ANKRD36B: variants seen among roughly 807,000 people sequenced by gnomAD.
ANKRD36B encodes the protein ankyrin repeat domain 36B.
In ANKRD36B, 37 loss-of-function variants were observed where a neutral mutation model predicts 135.7. The ratio of observed to expected loss-of-function variants is 0.27; its 90% CI spans 0.21 to 0.36. ANKRD36B has a LOEUF of 0.36. Among genes scored for constraint, ANKRD36B ranks in the 10% least tolerant of loss-of-function variants. The pLI is 1.00. For missense variants in ANKRD36B, 549 were observed against 1,037.1 expected (o/e 0.53, Z 6.46); for synonymous variants, 179 against 348.1 (o/e 0.51, Z 5.41).
intron 18 of ANKRD36B, among the ~76,000 whole-genome samples, chr2:97,550,997 G>A (rs980492932): frequency 2.0e-5 from 3 of 151,838 alleles, no homozygotes; most frequent in Non-Finnish European, 2.9e-5. Context: ...TTAATGAAAA[G>A]ATGCTACAGA....
chr2:97,587,472 A>AC (rs1443179907), intron 1 of ANKRD36B, among the ~76,000 whole-genome samples: 4 of 152,176 alleles, frequency 2.6e-5, no homozygotes, highest in African/African-American at 9.7e-5. Flanking sequence ...TTCACACCTC[A>AC]ACATACATCT....
intron 30 of ANKRD36B, among the ~76,000 whole-genome samples, chr2:97,539,516 G>A (rs2079044597): frequency 1.0e-5 from 1 of 96,240 alleles, no homozygotes; most frequent in Non-Finnish European, 2.8e-5. Flanking sequence ...TTCCTCAGAA[G>A]AAACAACAAA....
In ANKRD36B at chr2:97,530,139, A is replaced by G. The variant is rs1231965001; in HGVS notation, c.2265+2172T>C. On this transcript the variant is annotated intron_variant, in intron 35 of 43. Transcript: ENST00000359901. ...AGAACAAAGCTGGAGGCATCACACT[A>G]CCTGACTTCAAACTATACTACAAGG... Among the ~76,000 whole-genome samples, 20 of 96,024 alleles carry G rather than the reference A, an allele frequency of 2.1e-4. 5 individuals are homozygous for G. Among genetic ancestry groups the G allele is most frequent in the African/African-American group, 5.9e-4 (19 of 31,958 alleles). 63.0% of individuals were successfully genotyped at this position (96,024 alleles called of 152,430 possible).
intron 16 of ANKRD36B, among the ~76,000 whole-genome samples, chr2:97,552,061 A>C (rs1237601708): frequency 6.6e-6 from 1 of 151,934 alleles, no homozygotes; most frequent in East Asian, 1.9e-4. Flanking sequence ...TATCTCTCAC[A>C]CCCATGTGGT....
intron 6 of ANKRD36B, among the ~76,000 whole-genome samples, chr2:97,572,062 C>G (rs1210048441): frequency 6.6e-6 from 1 of 151,960 alleles, no homozygotes; most frequent in Non-Finnish European, 1.5e-5. Flanking sequence ...CACTTGAAGC[C>G]AAAAGTTTGA....
At chr2:97,559,505 T>C (rs1222175517) in intron 8 of ANKRD36B, among the ~76,000 whole-genome samples, 2 of 151,954 alleles carry the variant, frequency 1.3e-5, no homozygotes, top group East Asian at 1.9e-4. Context: ...ATGTCCTAAA[T>C]TGATCACCTT....
intron 18 of ANKRD36B, 65 bp downstream of exon 18, chr2:97,551,224 T>C (rs1205954828): frequency 1.3e-6 from 2 of 1,527,256 alleles, no homozygotes; most frequent in African/African-American, 2.8e-5. Flanking sequence ...CCCCACTGAT[T>C]TATTCGGGGA....
intron 6 of ANKRD36B, among the ~76,000 whole-genome samples, chr2:97,575,507 T>A (rs2082169116): frequency 1.3e-5 from 2 of 151,244 alleles, no homozygotes; most frequent in Admixed American, 1.3e-4. Flanking sequence ...TCCCCACTAA[T>A]GTTTTACATT....
intron 4 of ANKRD36B, among the ~76,000 whole-genome samples, chr2:97,579,828 A>G (rs2082499283): frequency 6.6e-6 from 1 of 152,074 alleles, no homozygotes; most frequent in Admixed American, 6.6e-5. Context: ...CTAACATTAT[A>G]TATATATAAT....
At position 97,530,742 on chromosome 2, in the gene ANKRD36B, A is replaced by G. The variant is rs558279597; in HGVS notation, c.2265+1569T>C. ...CAAACAACCCCATCAAAAAGTGGGC[A>G]AAGGATATCAACAGACACTTCTCAA... On this transcript the variant is annotated intron_variant, in intron 35 of 43. Coordinates refer to ENST00000359901, the MANE Select transcript of ANKRD36B (RefSeq NM_001393939.1). Among the ~76,000 whole-genome samples the G allele has an allele frequency of 3.1e-5, 3 of 97,554 alleles. 1 individual carries two copies. The highest frequency in any genetic ancestry group is 5.5e-5 in the Non-Finnish European group (2 of 36,598). 64.0% of individuals were successfully genotyped at this position (97,554 alleles called of 152,430 possible).
intron 20 of ANKRD36B, among the ~76,000 whole-genome samples, chr2:97,548,807 A>T (rs1423478251): frequency 6.6e-6 from 1 of 151,978 alleles, no homozygotes; most frequent in East Asian, 1.9e-4. Flanking sequence ...TCCTTCTTCC[A>T]GCAGTTCCTG....
At chr2:97,586,453 C>T (rs1368691736) in intron 1 of ANKRD36B, among the ~76,000 whole-genome samples, 2 of 150,896 alleles carry the variant, frequency 1.3e-5, no homozygotes, top group Non-Finnish European at 2.9e-5. Context: ...AGTCCTAATG[C>T]TTCCATTTTA....
chr2:97,568,494 G>A (rs2081605119), intron 6 of ANKRD36B, among the ~76,000 whole-genome samples: 1 of 152,086 alleles, frequency 6.6e-6, no homozygotes, highest in Non-Finnish European at 1.5e-5. Flanking sequence ...GAAGATTCTG[G>A]TAAGTTTGCT....
intron 8 of ANKRD36B, among the ~76,000 whole-genome samples, chr2:97,559,312 C>T (rs2080815607): frequency 1.3e-5 from 2 of 151,826 alleles, no homozygotes; most frequent in South Asian, 4.1e-4. Flanking sequence ...ACTCACACAC[C>T]TGAGAATCAA....
chr2:97,589,573 T>A lies in ANKRD36B; in HGVS notation c.113A>T (p.Tyr38Phe), dbSNP rs1403341277. 9.3e-6 allele frequency: 15 copies of A among 1,612,386 alleles called. No homozygotes were observed. In the East Asian group the frequency reaches 1.6e-4, roughly 17 times the overall value. The change falls in exon 1 of 44, where the codon TAC becomes TTC. Residue 38 changes from tyrosine to phenylalanine, a missense_variant. Physicochemically the swap from Tyr to Phe is conservative, Grantham distance 22. Coordinates refer to ENST00000359901, the MANE Select transcript of ANKRD36B (RefSeq NM_001393939.1). The stretch of plus-strand genomic sequence containing the variant: ...GGCGTCATAATACGTGAGCAGAAGG[T>A]ACTTCAGTTTCTCCAGATTACCACG... ...VLRGNLEKLKYLLLTYYDANK... is the reference protein window; with the variant it reads ...VLRGNLEKLKFLLLTYYDANK...
At chr2:97,580,033 TC>T (rs1404202242) in intron 4 of ANKRD36B, among the ~76,000 whole-genome samples, 2 of 152,304 alleles carry the variant, frequency 1.3e-5, no homozygotes, top group African/African-American at 2.4e-5. Context: ...CTATCTTTTT[TC>T]CCCCTCCCCA....
intron 3 of ANKRD36B, among the ~76,000 whole-genome samples, chr2:97,582,296 C>T (rs188536392): frequency 2.6e-5 from 4 of 151,706 alleles, no homozygotes; most frequent in East Asian, 1.9e-4. Context: ...AAGTTCAACC[C>T]GATTACCAAA....
chr2:97,547,436 G>C, intron 22 of ANKRD36B, 100 bp downstream of exon 22: 11 of 1,236,086 alleles, frequency 8.9e-6, no homozygotes, highest in Non-Finnish European at 1.2e-5. Context: ...TGCTGAATCA[G>C]AATGTGCAGC....
chr2:97,563,285 T>G (rs1278972947), intron 6 of ANKRD36B, among the ~76,000 whole-genome samples: 1 of 151,820 alleles, frequency 6.6e-6, no homozygotes, highest in East Asian at 1.9e-4. Context: ...CTGACATAAT[T>G]TTTTGCAGGT....
Sources: gnomAD v4.1 joint callset for allele counts (sites outside exome capture counted in the v4.1 genomes callset) on GRCh38, gnomAD v4.1.1 for gene constraint, MANE v1.5 for transcripts, NCBI Gene and HGNC (gene_info 2026-07-23, HGNC 2026-07-21) for gene names.